The following WNT3A variants were observed in gnomAD, a reference collection of about 807,000 sequenced individuals.
The protein encoded by WNT3A is Wnt family member 3A.
A neutral mutation model predicts 37.0 loss-of-function variants in WNT3A; 17 were observed. That is an observed-to-expected ratio of 0.46 (90% CI 0.31 to 0.69). The LOEUF (loss-of-function observed/expected upper bound fraction) is 0.69, where lower values mean the gene tolerates loss of function less well. Ranked by LOEUF, WNT3A falls within the 30% of genes least tolerant of loss-of-function variation. WNT3A has a pLI of 0.05. For missense variants in WNT3A, 411 were observed against 510.2 expected (o/e 0.81, Z 1.87); for synonymous variants, 187 against 211.0 (o/e 0.89, Z 0.99).
chr1:228,020,736 G>A (rs1279515576), intron 1 of WNT3A, among the ~76,000 whole-genome samples: 2 of 152,242 alleles, frequency 1.3e-5, no homozygotes, highest in Non-Finnish European at 2.9e-5. Flanking sequence ...GGAGCCGACT[G>A]TGCAAGGACA....
At chr1:228,021,247 G>A (rs1379415142) in intron 1 of WNT3A, among the ~76,000 whole-genome samples, 2 of 152,200 alleles carry the variant, frequency 1.3e-5, no homozygotes, top group Non-Finnish European at 1.5e-5. Flanking sequence ...TGGTGCCACC[G>A]AAGGGCTGAG....
chr1:228,055,180 ATATATAT>A (rs1382691849), intron 3 of WNT3A, among the ~76,000 whole-genome samples: 67 of 14,786 alleles, frequency 4.5e-3, no homozygotes, highest in African/African-American at 0.013. Flanking sequence ...AAAAAAAAAA[ATATATAT>A]ATATATATAT....
At chr1:228,023,897 T>G (rs2030793560) in intron 2 of WNT3A, among the ~76,000 whole-genome samples, 1 of 152,232 alleles carries the variant, frequency 6.6e-6, no homozygotes. Flanking sequence ...TTTGCCTGTT[T>G]AAGAAACGGC....
At chr1:228,043,049 A>T (rs1360802637) in intron 2 of WNT3A, among the ~76,000 whole-genome samples, 3 of 150,864 alleles carry the variant, frequency 2.0e-5, no homozygotes, top group Non-Finnish European at 4.4e-5. Context: ...ATGATGCACG[A>T]TAGATGAATG....
Position 228,007,088 on chromosome 1 carries a change from T to C in WNT3A, c.-41T>C, listed in dbSNP as rs1263741032. 4 of 1,475,602 alleles carry C rather than the reference T, an allele frequency of 2.7e-6. No individual in the cohort carries two copies. Among genetic ancestry groups the C allele is most frequent in the Non-Finnish European group, 3.6e-6 (4 of 1,104,842 alleles). The allele number at this position is 1,475,602 out of a possible 1,614,324, so 91.4% of individuals were successfully genotyped here. On this transcript the variant is annotated 5_prime_UTR_variant, in exon 1 of 4. Coordinates refer to ENST00000284523, the MANE Select transcript of WNT3A (RefSeq NM_033131.4). The surrounding 1 kb of genome is among the most constrained non-coding windows in gnomAD (Gnocchi z 6.0). ...CCGGCCCCCCCCGGCGCTCACGCTC[T>C]CGGGGCGGACTCCCGGCCCTCCGCG...
chr1:228,008,929 T>C lies in WNT3A; in HGVS notation c.71+1730T>C, dbSNP rs1429173887. On this transcript the variant is annotated intron_variant, in intron 1 of 3. Transcript: ENST00000284523. The surrounding 1 kb of genome is among the most constrained non-coding windows in gnomAD (Gnocchi z 4.9). ...CCTGTGTTCTACCCTGAATGGACCC[T>C]GAGACACCCTCGGGGACAGTCAGGC... Among the ~76,000 whole-genome samples the C allele has an allele frequency of 6.6e-6, 1 of 152,046 alleles. No homozygotes were observed. Among genetic ancestry groups the C allele is most frequent in the Non-Finnish European group, 1.5e-5 (1 of 67,982 alleles).
intron 2 of WNT3A, among the ~76,000 whole-genome samples, chr1:228,043,618 C>A (rs1289006647): frequency 1.3e-5 from 2 of 152,330 alleles, no homozygotes; most frequent in East Asian, 1.9e-4. Flanking sequence ...TCCGTGGAGG[C>A]TGGCTGCCAG....
chr1:228,014,456 G>A (rs778667687), intron 1 of WNT3A, among the ~76,000 whole-genome samples: 2 of 152,098 alleles, frequency 1.3e-5, no homozygotes, highest in African/African-American at 4.8e-5. Context: ...CTCTGAGTTC[G>A]CTAAATTTTA....
chr1:228,029,533 G>C (rs1443587249), intron 2 of WNT3A, among the ~76,000 whole-genome samples: 4 of 152,136 alleles, frequency 2.6e-5, no homozygotes, highest in Non-Finnish European at 4.4e-5. Flanking sequence ...GTCCTCCCAG[G>C]GACCTTGCAG....
At chr1:228,047,306 C>T (rs1322904653) in intron 2 of WNT3A, among the ~76,000 whole-genome samples, 1 of 152,192 alleles carries the variant, frequency 6.6e-6, no homozygotes, top group Non-Finnish European at 1.5e-5. Context: ...TCAACCAAAG[C>T]AGGCCCGAGG....
chr1:228,007,043 G>T lies in WNT3A; in HGVS notation c.-86G>T, dbSNP rs1213635529. 2 of 1,027,872 alleles carry T rather than the reference G, an allele frequency of 1.9e-6. No individual in the cohort carries two copies. Among genetic ancestry groups the T allele is most frequent in the East Asian group, 4.1e-5 (1 of 24,500 alleles). The allele number at this position is 1,027,872 out of a possible 1,614,324, so 63.7% of individuals were successfully genotyped here. A position where few individuals can be genotyped will look rare whatever the true frequency, so the allele number is the denominator to read the frequency against. On this transcript the variant is annotated 5_prime_UTR_variant, in exon 1 of 4. Coordinates refer to ENST00000284523, the MANE Select transcript of WNT3A (RefSeq NM_033131.4). The surrounding 1 kb of genome is among the most constrained non-coding windows in gnomAD (Gnocchi z 6.0). ...GGCCGCAGGAGGGCCCAGCGACGCC[G>T]CCGCGCCAGCTCCCAGGGCCCGGCC... is the stretch of plus-strand genomic sequence containing the variant.
intron 1 of WNT3A, among the ~76,000 whole-genome samples, chr1:228,017,833 TCTC>T (rs2030576986): frequency 6.6e-6 from 1 of 152,290 alleles, no homozygotes. Flanking sequence ...TTCAGATCCT[TCTC>T]CTTCTCTGGG....
chr1:228,040,885 C>CA lies in WNT3A; in HGVS notation c.314-9755dup, dbSNP rs11328093. Among the ~76,000 whole-genome samples, 556 of 118,652 alleles carry CA rather than the reference C, an allele frequency of 4.7e-3. 9 individuals are homozygous for CA. Among genetic ancestry groups the CA allele is most frequent in the East Asian group, 0.044 (183 of 4,166 alleles). The allele number at this position is 118,652 out of a possible 152,430, so 77.8% of individuals were successfully genotyped here. ...TGGGCGACAGAACGAGACTCTATCT[C>CA]AAAAAAAAAAAAAAAAGAATTTGGA... On this transcript the variant is annotated intron_variant, in intron 2 of 3. Transcript: ENST00000284523.
chr1:228,022,550 G>A (rs2030733247), intron 1 of WNT3A, 117 bp from the exon 2 acceptor site: 6 of 1,277,618 alleles, frequency 4.7e-6, no homozygotes, highest in Middle Eastern at 2.0e-4. Flanking sequence ...CCTTCATGGT[G>A]GAAGCTGCGT....
Position 228,058,911 on chromosome 1 carries a change from G to C in WNT3A, c.580-75G>C, listed in dbSNP as rs1271789990. 14 of 1,410,766 alleles carry C rather than the reference G, an allele frequency of 9.9e-6. No individual in the cohort carries two copies. The East Asian group carries it at 2.5e-4, about 25-fold the overall frequency. The allele number at this position is 1,410,766 out of a possible 1,614,324, so 87.4% of individuals were successfully genotyped here. A position where few individuals can be genotyped will look rare whatever the true frequency, so the allele number is the denominator to read the frequency against. The stretch of plus-strand genomic sequence containing the variant: ...TTTATGGAGCAGGTAGGCTGCAGGC[G>C]ACATGTAATGCTGTTTCCTCGGGGA... On this transcript the variant is annotated intron_variant, in intron 3 of 3. Transcript: ENST00000284523.
chr1:228,017,680 G>A (rs1181200416), intron 1 of WNT3A, among the ~76,000 whole-genome samples: 5 of 152,162 alleles, frequency 3.3e-5, no homozygotes, highest in Non-Finnish European at 7.3e-5. Flanking sequence ...CAGCCTAGAC[G>A]ACAGAGCAAG....
At chr1:228,026,999 A>C (rs1263291444) in intron 2 of WNT3A, among the ~76,000 whole-genome samples, 1 of 151,990 alleles carries the variant, frequency 6.6e-6, no homozygotes, top group Non-Finnish European at 1.5e-5. Flanking sequence ...CCAGCCACCA[A>C]GCCCCACTAA....
chr1:228,014,184 T>A (rs1420771939), intron 1 of WNT3A, among the ~76,000 whole-genome samples: 2 of 152,096 alleles, frequency 1.3e-5, no homozygotes, highest in African/African-American at 4.8e-5. Flanking sequence ...GAGATCAGTG[T>A]CCCCATTCCA....
At position 228,060,051 on chromosome 1, in the gene WNT3A, G is replaced by C; in HGVS notation, c.*586G>C. ...GACCAGGGCAAGGCCCCTTCCACGGGGGCTGTGGCTCTGGGTGGGCGTGGC... is the reference window on the plus strand; with the variant it reads ...GACCAGGGCAAGGCCCCTTCCACGGCGGCTGTGGCTCTGGGTGGGCGTGGC... On this transcript the variant is annotated 3_prime_UTR_variant, in exon 4 of 4. Coordinates refer to ENST00000284523, the MANE Select transcript of WNT3A (RefSeq NM_033131.4). The C allele has an allele frequency of 8.4e-7, 1 of 1,190,084 alleles. No homozygotes were observed. Among genetic ancestry groups the C allele is most frequent in the Non-Finnish European group, 1.1e-6 (1 of 941,376 alleles). 73.7% of individuals were successfully genotyped at this position (1,190,084 alleles called of 1,614,324 possible). A position where few individuals can be genotyped will look rare whatever the true frequency, so the allele number is the denominator to read the frequency against.
Sources: allele counts gnomAD v4.1 joint callset (sites outside exome capture counted in the v4.1 genomes callset), GRCh38; gene constraint gnomAD v4.1.1; non-coding constraint Gnocchi (gnomAD v3.1); transcripts MANE v1.5; gene names NCBI Gene and HGNC (gene_info 2026-07-23, HGNC 2026-07-21).